The following TENM4 variants were observed in gnomAD, a reference collection of about 807,000 sequenced individuals.
The protein encoded by TENM4 is teneurin-4.
TENM4 carries 82 observed loss-of-function variants against 243.3 expected under a neutral mutation model. The ratio of observed to expected loss-of-function variants is 0.34; its 90% CI spans 0.28 to 0.40. The LOEUF is 0.40. Ranked by LOEUF, TENM4 falls within the 10% of genes least tolerant of loss-of-function variation. The pLI is 1.00. For missense variants in TENM4, 3,138 were observed against 3,673.3 expected (o/e 0.85, Z 3.77); for synonymous variants, 1,412 against 1,456.3 (o/e 0.97, Z 0.69).
chr11:78,689,640 T>G (rs1239792535), intron 28 of TENM4, among the ~76,000 whole-genome samples: 1 of 152,152 alleles, frequency 6.6e-6, no homozygotes, highest in Non-Finnish European at 1.5e-5. Flanking sequence ...GGTCTGCAGC[T>G]CCTATGGTAT....
chr11:78,825,963 G>A (rs1941378), intron 12 of TENM4, among the ~76,000 whole-genome samples: 66,900 of 151,888 alleles, frequency 0.44, 15,314 homozygotes, highest in Middle Eastern at 0.58. Context: ...AAAAGAAACA[G>A]GTTCTGAGGA....
intron 4 of TENM4, among the ~76,000 whole-genome samples, chr11:79,139,172 T>C (rs1290482629): frequency 1.0e-3 from 66 of 66,046 alleles, no homozygotes; most frequent in African/African-American, 1.7e-3. Flanking sequence ...TATATTTCTA[T>C]AAATATATAA....
At chr11:78,851,280 A>C (rs892435327) in intron 12 of TENM4, among the ~76,000 whole-genome samples, 2 of 152,160 alleles carry the variant, frequency 1.3e-5, no homozygotes, top group Non-Finnish European at 2.9e-5. Context: ...GCACGGTATG[A>C]CCTATTGGCC....
chr11:78,704,054 C>T (rs1026218500), intron 27 of TENM4, among the ~76,000 whole-genome samples: 1 of 147,600 alleles, frequency 6.8e-6, no homozygotes, highest in South Asian at 2.1e-4. Context: ...CACACACACA[C>T]ACACACACAC....
At chr11:78,765,064 G>A (rs1045479355) in intron 18 of TENM4, among the ~76,000 whole-genome samples, 5 of 152,142 alleles carry the variant, frequency 3.3e-5, no homozygotes, top group Admixed American at 6.5e-5. Flanking sequence ...TCTTTTTGCA[G>A]GCTTAACTCT....
At chr11:78,834,787 T>C (rs771411586) in intron 12 of TENM4, among the ~76,000 whole-genome samples, 1 of 152,184 alleles carries the variant, frequency 6.6e-6, no homozygotes, top group Non-Finnish European at 1.5e-5. Flanking sequence ...AGACAGTCGC[T>C]TGTCCATGTG....
chr11:79,308,220 T>C (rs1161847129), intron 1 of TENM4, among the ~76,000 whole-genome samples: 1 of 152,262 alleles, frequency 6.6e-6, no homozygotes, highest in Non-Finnish European at 1.5e-5. Flanking sequence ...ATGGACCTTT[T>C]TGAAACTTAC....
At chr11:79,169,617 G>C (rs575630391) in intron 3 of TENM4, among the ~76,000 whole-genome samples, 8 of 152,280 alleles carry the variant, frequency 5.3e-5, no homozygotes, top group Admixed American at 3.9e-4. Context: ...TCCAGTGTCA[G>C]ACTGTGTGAT....
intron 4 of TENM4, among the ~76,000 whole-genome samples, chr11:79,135,615 C>T (rs745589054): frequency 4.0e-5 from 6 of 150,052 alleles, no homozygotes; most frequent in Non-Finnish European, 7.4e-5. Context: ...GCCCATCAAT[C>T]AACCAGTGGA....
intron 3 of TENM4, among the ~76,000 whole-genome samples, chr11:79,189,330 C>T (rs1863435625): frequency 1.3e-5 from 2 of 152,210 alleles, no homozygotes; most frequent in African/African-American, 4.8e-5. Flanking sequence ...TAGCCACCAT[C>T]TCTCTGTGTT....
At chr11:78,780,905 T>C (rs1057144404) in intron 16 of TENM4, among the ~76,000 whole-genome samples, 1 of 152,160 alleles carries the variant, frequency 6.6e-6, no homozygotes, top group African/African-American at 2.4e-5. Context: ...AAAGTAGACA[T>C]TCAAAACTTC....
intron 18 of TENM4, among the ~76,000 whole-genome samples, chr11:78,760,488 C>T (rs1260080365): frequency 2.0e-5 from 3 of 152,222 alleles, no homozygotes; most frequent in African/African-American, 7.2e-5. Context: ...TCTGTCTCTA[C>T]AGCCAAGCGT....
chr11:79,112,154 C>A (rs1861521997), intron 4 of TENM4, among the ~76,000 whole-genome samples: 1 of 152,168 alleles, frequency 6.6e-6, no homozygotes, highest in Admixed American at 6.5e-5. Flanking sequence ...TCTTTGGACA[C>A]TTGAAAGAGA....
At chr11:79,223,115 T>C (rs1360548924) in intron 2 of TENM4, among the ~76,000 whole-genome samples, 1 of 152,066 alleles carries the variant, frequency 6.6e-6, no homozygotes, top group African/African-American at 2.4e-5. Flanking sequence ...CTGCACATCC[T>C]GCACATGTAT....
chr11:79,011,223 C>T (rs1858633418), intron 6 of TENM4, among the ~76,000 whole-genome samples: 1 of 152,196 alleles, frequency 6.6e-6, no homozygotes, highest in Non-Finnish European at 1.5e-5. Context: ...AGGGTGCTCG[C>T]TCAGCTTTCT....
chr11:79,022,564 A>G (rs1858960888), intron 6 of TENM4, among the ~76,000 whole-genome samples: 1 of 152,222 alleles, frequency 6.6e-6, no homozygotes, highest in South Asian at 2.1e-4. Context: ...GGCTGTGGCA[A>G]TCACTCTGCC....
At chr11:78,707,196 CTGAAATCAA>C (rs1014501301) in intron 27 of TENM4, among the ~76,000 whole-genome samples, 7 of 152,214 alleles carry the variant, frequency 4.6e-5, no homozygotes, top group African/African-American at 1.4e-4. Context: ...GTTGCTGGAG[CTGAAATCAA>C]TTTGCAATTT....
chr11:79,167,271 C>T (rs1862935349), intron 3 of TENM4, among the ~76,000 whole-genome samples: 1 of 152,150 alleles, frequency 6.6e-6, no homozygotes, highest in African/African-American at 2.4e-5. Flanking sequence ...GGATAAAGAA[C>T]AATGGCCTGG....
chr11:79,181,622 G>T (rs537347507), intron 3 of TENM4, among the ~76,000 whole-genome samples: 1 of 150,878 alleles, frequency 6.6e-6, no homozygotes, highest in African/African-American at 2.4e-5. Flanking sequence ...GGAAATAAAA[G>T]GTATATAGAT....
Sources: allele counts gnomAD v4.1 joint callset (sites outside exome capture counted in the v4.1 genomes callset), GRCh38; gene constraint gnomAD v4.1.1; transcripts MANE v1.5; gene names NCBI Gene and HGNC (gene_info 2026-07-23, HGNC 2026-07-21).